SMYD3: variants seen among roughly 807,000 people sequenced by gnomAD.
The protein encoded by SMYD3 is histone-lysine N-methyltransferase SMYD3.
In SMYD3, 36 loss-of-function variants were observed where a neutral mutation model predicts 57.7. That is an observed-to-expected ratio of 0.62 (90% CI 0.48 to 0.82). The LOEUF (loss-of-function observed/expected upper bound fraction) is 0.82. Ranked by LOEUF, SMYD3 falls within the 40% of genes least tolerant of loss-of-function variation. SMYD3 has a pLI of 0.00. For missense variants in SMYD3, 515 were observed against 538.8 expected (o/e 0.96, Z 0.44); for synonymous variants, 211 against 195.0 (o/e 1.08, Z -0.68).
intron 5 of SMYD3, among the ~76,000 whole-genome samples, chr1:246,310,788 G>A (rs144103868): frequency 0.025 from 3,742 of 149,280 alleles, 76 homozygotes; most frequent in Non-Finnish European, 0.04. Context: ...TCCTGTCTCA[G>A]TCTCCCGAGT....
At chr1:245,856,056 C>T (rs896552966) in intron 10 of SMYD3, among the ~76,000 whole-genome samples, 3 of 152,192 alleles carry the variant, frequency 2.0e-5, no homozygotes, top group Admixed American at 2.0e-4. Flanking sequence ...GTGTGAATTC[C>T]CTCATGCACA....
chr1:246,135,294 G>T (rs76920944), intron 5 of SMYD3, among the ~76,000 whole-genome samples: 1 of 152,016 alleles, frequency 6.6e-6, no homozygotes, highest in African/African-American at 2.4e-5. Flanking sequence ...CAGTACCTGC[G>T]AACACAAAGC....
At chr1:246,099,552 C>T (rs956043485) in intron 5 of SMYD3, among the ~76,000 whole-genome samples, 3 of 152,136 alleles carry the variant, frequency 2.0e-5, no homozygotes, top group Non-Finnish European at 4.4e-5. Context: ...ACACTGGATT[C>T]ACTGACAACT....
rs926102736 is a variant in SMYD3, at chr1:246,355,188, C to T, written c.165-94G>A. On this transcript the variant is annotated intron_variant, in intron 1 of 11. Transcript: ENST00000490107. The surrounding 1 kb of genome is among the most constrained non-coding windows in gnomAD (Gnocchi z 5.0). ...AAACATAAGTCAACATACGGACACC[C>T]GTATGTTCTGTTTACTCCATTATGT... 8 of 1,247,040 alleles carry T rather than the reference C, an allele frequency of 6.4e-6. No individual in the cohort carries two copies. The highest frequency in any genetic ancestry group is 6.0e-5 in the African/African-American group (4 of 67,068). The allele number at this position is 1,247,040 out of a possible 1,614,324, so 77.2% of individuals were successfully genotyped here.
Position 246,045,078 on chromosome 1 carries a change from T to A in SMYD3, c.532-115141A>T, listed in dbSNP as rs142201306. Among the ~76,000 whole-genome samples the A allele has an allele frequency of 3.3e-3, 509 of 152,284 alleles. 11 individuals are homozygous for A. The East Asian group carries it at 0.055, about 16-fold the overall frequency. On this transcript the variant is annotated intron_variant, in intron 5 of 11. Transcript: ENST00000490107. ...TGCCCAAGGTAATTTATACATTCAA[T>A]GCCATCCCCATCAAGCTACCAATGA...
intron 5 of SMYD3, among the ~76,000 whole-genome samples, chr1:246,071,702 C>T (rs939160014): frequency 2.0e-5 from 3 of 152,226 alleles, no homozygotes; most frequent in Non-Finnish European, 2.9e-5. Context: ...AACACTGAAA[C>T]CCCAAATGCT....
At chr1:246,469,210 T>C (rs918183710) in intron 1 of SMYD3, among the ~76,000 whole-genome samples, 4 of 152,154 alleles carry the variant, frequency 2.6e-5, no homozygotes, top group African/African-American at 7.2e-5. Flanking sequence ...ATCACTCTCA[T>C]CTATCTGACA....
intron 5 of SMYD3, among the ~76,000 whole-genome samples, chr1:246,084,784 A>C (rs2060697128): frequency 6.6e-6 from 1 of 152,250 alleles, no homozygotes. Context: ...CAATGGCAAC[A>C]AAAGAATGTA....
Position 246,335,588 on chromosome 1 carries a change from G to T in SMYD3, c.229-114C>A, listed in dbSNP as rs532324456. ...AAATTTTAATAGTCCAAATGTAACTGCACAATAGAAAATAAAAGCAATATT... is the reference window on the plus strand; with the variant it reads ...AAATTTTAATAGTCCAAATGTAACTTCACAATAGAAAATAAAAGCAATATT... On this transcript the variant is annotated intron_variant, in intron 2 of 11. Transcript: ENST00000490107. 737 of 760,896 alleles carry T rather than the reference G, an allele frequency of 9.7e-4. 3 individuals are homozygous for T. The highest frequency in any genetic ancestry group is 2.7e-3 in the Middle Eastern group (11 of 4,120). 47.1% of individuals were successfully genotyped at this position (760,896 alleles called of 1,614,324 possible). A position where few individuals can be genotyped will look rare whatever the true frequency, so the allele number is the denominator to read the frequency against.
intron 5 of SMYD3, among the ~76,000 whole-genome samples, chr1:246,200,835 G>A (rs948487360): frequency 3.9e-5 from 6 of 152,132 alleles, no homozygotes; most frequent in Non-Finnish European, 7.4e-5. Flanking sequence ...CCAAATTTAA[G>A]TTACTTAGCT....
intron 1 of SMYD3, among the ~76,000 whole-genome samples, chr1:246,467,915 C>T (rs1214227764): frequency 1.3e-5 from 2 of 152,202 alleles, no homozygotes; most frequent in Non-Finnish European, 2.9e-5. Context: ...CTCACCAGTA[C>T]TTGCAGAGGC....
chr1:246,128,930 A>C (rs1226509125), intron 5 of SMYD3, among the ~76,000 whole-genome samples: 1 of 151,974 alleles, frequency 6.6e-6, no homozygotes, highest in Non-Finnish European at 1.5e-5. Flanking sequence ...CAGCCTCCCA[A>C]GTAGCTGGAA....
chr1:246,376,574 G>A (rs893775352), intron 1 of SMYD3, among the ~76,000 whole-genome samples: 14 of 134,024 alleles, frequency 1.0e-4, no homozygotes, highest in Non-Finnish European at 2.0e-4. Context: ...CTGGGCAACA[G>A]TGCGACACTC....
intron 5 of SMYD3, among the ~76,000 whole-genome samples, chr1:246,241,504 T>C (rs1057056546): frequency 5.3e-5 from 8 of 152,230 alleles, no homozygotes; most frequent in East Asian, 3.9e-4. Flanking sequence ...CAGTATTTTA[T>C]TGAGGATTTC....
At chr1:245,924,962 C>A (rs754389093) in intron 7 of SMYD3, among the ~76,000 whole-genome samples, 4 of 151,914 alleles carry the variant, frequency 2.6e-5, no homozygotes, top group African/African-American at 4.9e-5. Flanking sequence ...CGGTGCCCAG[C>A]CCTATTCCAG....
At chr1:246,327,364 C>T (rs1216752733) in intron 4 of SMYD3, 27 bp from the exon 5 acceptor site, 1 of 1,592,240 alleles carries the variant, frequency 6.3e-7, no homozygotes, top group East Asian at 2.2e-5. Context: ...ATAAATAGCA[C>T]AATCTCAAAG....
intron 5 of SMYD3, among the ~76,000 whole-genome samples, chr1:245,980,155 A>C (rs1296354866): frequency 6.6e-6 from 1 of 152,210 alleles, no homozygotes; most frequent in Admixed American, 6.5e-5. Context: ...TCAGCAACCC[A>C]AGCGGCATGA....
intron 5 of SMYD3, among the ~76,000 whole-genome samples, chr1:246,040,349 T>C (rs2059846916): frequency 6.6e-6 from 1 of 152,238 alleles, no homozygotes; most frequent in Non-Finnish European, 1.5e-5. Flanking sequence ...AATTAAATAC[T>C]TGTGCTTCGC....
chr1:246,493,114 T>C (rs1222374408), intron 1 of SMYD3, among the ~76,000 whole-genome samples: 2 of 151,860 alleles, frequency 1.3e-5, no homozygotes. Flanking sequence ...TCACTTTAAA[T>C]AGGCAAATGG....
Sources: gnomAD v4.1 joint callset for allele counts (sites outside exome capture counted in the v4.1 genomes callset) on GRCh38, gnomAD v4.1.1 for gene constraint, Gnocchi (gnomAD v3.1) non-coding constraint, MANE v1.5 for transcripts, NCBI Gene and HGNC (gene_info 2026-07-23, HGNC 2026-07-21) for gene names.